Variants in GTF3C1 observed in about 807,000 individuals in gnomAD.
GTF3C1 encodes the protein general transcription factor 3C polypeptide 1.
GTF3C1 carries 57 observed loss-of-function variants against 226.7 expected under a neutral mutation model. The observed-to-expected ratio is 0.25, with a 90% CI of 0.20 to 0.31. The LOEUF (loss-of-function observed/expected upper bound fraction) is 0.31, where lower values mean the gene tolerates loss of function less well. Among genes scored for constraint, GTF3C1 ranks in the 10% least tolerant of loss-of-function variants. GTF3C1 has a pLI of 1.00. For synonymous variants in GTF3C1, 1,090 were observed against 1,084.8 expected (o/e 1.00, Z -0.09); for missense variants, 2,217 against 2,776.1 (o/e 0.80, Z 4.53).
intron 4 of GTF3C1, among the ~76,000 whole-genome samples, chr16:27,536,137 G>A (rs1567414581): frequency 6.6e-6 from 1 of 152,202 alleles, no homozygotes; most frequent in African/African-American, 2.4e-5. Flanking sequence ...TGTTGTAAAC[G>A]TATTTTCTTA....
rs992168316 is a variant in GTF3C1 at position 27,492,092 on chromosome 16, T to C, written c.3151+246A>G. Among the ~76,000 whole-genome samples the C allele has an allele frequency of 1.3e-5, 2 of 152,066 alleles. No individual in the cohort carries two copies. Among genetic ancestry groups the C allele is most frequent in the Admixed American group, 1.3e-4 (2 of 15,270 alleles). On this transcript the variant is annotated intron_variant, in intron 19 of 36. Coordinates refer to ENST00000356183, the MANE Select transcript of GTF3C1 (RefSeq NM_001520.4). This position sits in a 1 kb window ranked among gnomAD's most constrained non-coding sequence, Gnocchi z 5.0. ...GTGTGTTTAATAAATACCTACTCAA[T>C]GAACAAATGAAGACAAAGTGCAGCT... is the stretch of plus-strand genomic sequence containing the variant.
Position 27,461,821 on chromosome 16 carries a change from G to T in GTF3C1, c.6118-259C>A. On this transcript the variant is annotated intron_variant, in intron 36 of 36. Coordinates refer to ENST00000356183, the MANE Select transcript of GTF3C1 (RefSeq NM_001520.4). The surrounding 1 kb of genome is among the most constrained non-coding windows in gnomAD (Gnocchi z 5.3). ...CGCTGAATCTCATTTGTGGAGGAGA[G>T]GCCTGCAGCGCGGGATAAATCCCAG... 1.9e-6 allele frequency: 1 copy of T among 513,416 alleles called. No individual in the cohort carries two copies. The allele number at this position is 513,416 out of a possible 1,614,324, so 31.8% of individuals were successfully genotyped here.
intron 27 of GTF3C1, among the ~76,000 whole-genome samples, chr16:27,478,784 G>A (rs2087993400): frequency 6.7e-6 from 1 of 149,930 alleles, no homozygotes; most frequent in Non-Finnish European, 1.5e-5. Context: ...GGAAAAATGT[G>A]AACTGGCAAA....
chr16:27,478,708 C>A, intron 27 of GTF3C1, 177 bp from the exon 28 acceptor site: 1 of 606,950 alleles, frequency 1.6e-6, no homozygotes, highest in South Asian at 2.0e-5. Flanking sequence ...CCCTGTCCTG[C>A]CTGTTATAAA....
rs2088292742 is a variant in GTF3C1, at chr16:27,494,911, A to T, written c.2633-3T>A. 6.2e-7 allele frequency: 1 copy of T among 1,612,800 alleles called. No individual in the cohort carries two copies. The highest frequency in any genetic ancestry group is 8.5e-7 in the Non-Finnish European group (1 of 1,178,990). On this transcript the variant is annotated splice_polypyrimidine_tract_variant and splice_region_variant and intron_variant, in intron 15 of 36. Coordinates refer to ENST00000356183, the MANE Select transcript of GTF3C1 (RefSeq NM_001520.4). ...CCACGAGGCATCGTCGACATACACT[A>T]GGAAAAAAACGCACGGTTACCCCCG...
At chr16:27,517,335 T>C (rs1190671756) in intron 6 of GTF3C1, among the ~76,000 whole-genome samples, 1 of 152,140 alleles carries the variant, frequency 6.6e-6, no homozygotes, top group Non-Finnish European at 1.5e-5. Flanking sequence ...TGTTCCAGAC[T>C]ACAAGTCAGC....
rs780011152 is a variant in GTF3C1 at position 27,488,624 on chromosome 16, G to A, written c.3441C>T (p.Ala1147=). The A allele has an allele frequency of 1.1e-5, 17 of 1,612,460 alleles. No homozygotes were observed. The highest frequency in any genetic ancestry group is 3.3e-5 in the South Asian group (3 of 91,040). Residue 1147 remains alanine (A), a synonymous_variant, in exon 22 of 37, where the codon GCC becomes GCT. Coordinates refer to ENST00000356183, the MANE Select transcript of GTF3C1 (RefSeq NM_001520.4). The stretch of plus-strand genomic sequence containing the variant: ...GCCTCACTGTGAGTCCATTCTCTGC[G>A]GCAGTGTTCTCCTGTGAGACAAGCA... ...IINQAKKENT[A]AENGLTVRLQ... is the part of the protein sequence containing the mutation.
chr16:27,538,450 T>TAGCAGAAGCAGGAAATGA, intron 2 of GTF3C1, 94 bp from the exon 3 acceptor site: 1 of 768,624 alleles, frequency 1.3e-6, no homozygotes, highest in Non-Finnish European at 2.0e-6. Context: ...CCTCATTTCC[T>TAGCAGAAGCAGGAAATGA]GCTTCTGCTA....
At chr16:27,477,504 C>A (rs1245169181) in intron 28 of GTF3C1, among the ~76,000 whole-genome samples, 1 of 152,150 alleles carries the variant, frequency 6.6e-6, no homozygotes, top group East Asian at 1.9e-4. Context: ...GGGGTTTCAC[C>A]ATGTTGGCCA....
chr16:27,539,224 T>C (rs1332634151), intron 2 of GTF3C1, among the ~76,000 whole-genome samples: 1 of 152,104 alleles, frequency 6.6e-6, no homozygotes, highest in African/African-American at 2.4e-5. Flanking sequence ...AACGGTGCAA[T>C]CAGTGGACCT....
chr16:27,476,450 C>A lies in GTF3C1; in HGVS notation c.4353+1G>T. 1 of 1,600,914 alleles carries A rather than the reference C, an allele frequency of 6.2e-7. No individual in the cohort carries two copies. The highest frequency in any genetic ancestry group is 8.6e-7 in the Non-Finnish European group (1 of 1,168,042). On this transcript the variant is annotated splice_donor_variant, in intron 29 of 36. Coordinates refer to ENST00000356183, the MANE Select transcript of GTF3C1 (RefSeq NM_001520.4). LOFTEE classifies it high-confidence loss of function. ...TGTGCTGCCGGGCAGCCGACACCCA[C>A]CTGGAATGACTGGTAGGACTTCATC... is the stretch of plus-strand genomic sequence containing the variant.
At position 27,471,536 on chromosome 16, in the gene GTF3C1, G is replaced by A. The variant is rs1273317298; in HGVS notation, c.4526+212C>T. On this transcript the variant is annotated intron_variant, in intron 30 of 36. Coordinates refer to ENST00000356183, the MANE Select transcript of GTF3C1 (RefSeq NM_001520.4). This position sits in a 1 kb window ranked among gnomAD's most constrained non-coding sequence, Gnocchi z 5.0. ...AAACCACCTGCAAAATGGTAACGCC[G>A]CCAACACAAAGAAGCTGCCAGCGCT... The A allele has an allele frequency of 1.9e-5, 10 of 513,148 alleles. No homozygotes were observed. Among genetic ancestry groups the A allele is most frequent in the African/African-American group, 3.8e-5 (2 of 52,316 alleles). 31.8% of individuals were successfully genotyped at this position (513,148 alleles called of 1,614,324 possible).
chr16:27,539,941 G>C (rs1303368033), intron 2 of GTF3C1, among the ~76,000 whole-genome samples: 1 of 152,124 alleles, frequency 6.6e-6, no homozygotes, highest in Non-Finnish European at 1.5e-5. Context: ...CCAAGGTAGA[G>C]GACCCCCCTT....
At chr16:27,483,575 C>A in intron 25 of GTF3C1, 1 of 429,950 alleles carries the variant, frequency 2.3e-6, no homozygotes. Context: ...GCCTGACTTG[C>A]CCAAAAGAAA....
At chr16:27,485,448 T>G (rs1395312606) in intron 24 of GTF3C1, among the ~76,000 whole-genome samples, 7 of 152,140 alleles carry the variant, frequency 4.6e-5, no homozygotes, top group Non-Finnish European at 1.0e-4. Flanking sequence ...GAACAGAGAA[T>G]GAGCAGGGTA....
At chr16:27,478,399 G>GT (rs1567388750) in intron 28 of GTF3C1, 70 bp downstream of exon 28, 1 of 1,084,756 alleles carries the variant, frequency 9.2e-7, no homozygotes, top group African/African-American at 1.5e-5. Flanking sequence ...GATTACCCCA[G>GT]TGCAATAGGT....
chr16:27,488,036 C>T (rs547074344), intron 23 of GTF3C1, among the ~76,000 whole-genome samples, 191 bp downstream of exon 23: 4 of 152,232 alleles, frequency 2.6e-5, no homozygotes, highest in South Asian at 2.1e-4. Context: ...ACGGGATATT[C>T]GAGTCTCTCT....
At chr16:27,516,205 C>A (rs958118865) in intron 6 of GTF3C1, among the ~76,000 whole-genome samples, 8 of 152,242 alleles carry the variant, frequency 5.3e-5, no homozygotes, top group African/African-American at 1.7e-4. Context: ...GAGACTCGTG[C>A]GAAGGCGCCC....
rs767734513 is a variant in GTF3C1, at chr16:27,533,413, T to C, written c.753-26A>G. On this transcript the variant is annotated intron_variant, in intron 4 of 36. Coordinates refer to ENST00000356183, the MANE Select transcript of GTF3C1 (RefSeq NM_001520.4). ...CTGCAAGAAACACCGAGCAATTCGT[T>C]TTTTCAAACCTGTTGCTGAAGTCAA... 1.3e-5 allele frequency: 17 copies of C among 1,296,086 alleles called. No homozygotes were observed. In the East Asian group the frequency reaches 3.9e-4, roughly 30 times the overall value. The allele number at this position is 1,296,086 out of a possible 1,614,324, so 80.3% of individuals were successfully genotyped here.
Sources: gnomAD v4.1 joint callset for allele counts (sites outside exome capture counted in the v4.1 genomes callset) on GRCh38, gnomAD v4.1.1 for gene constraint, Gnocchi (gnomAD v3.1) non-coding constraint, MANE v1.5 for transcripts, NCBI Gene and HGNC (gene_info 2026-07-23, HGNC 2026-07-21) for gene names.